Variants in RASA2 observed in about 807,000 individuals in gnomAD.
The protein encoded by RASA2 is RAS p21 protein activator 2.
In RASA2, 155 loss-of-function variants were observed where a neutral mutation model predicts 118.2. The observed-to-expected ratio is 1.31, with a 90% CI of 1.15 to 1.50. RASA2 has a LOEUF of 1.50. RASA2 is among the 40% of genes most tolerant of loss of function. The probability of loss-of-function intolerance (pLI) is 0.00; values close to 1 mark genes in which losing one functional copy is unlikely to be tolerated. For missense variants in RASA2, 1,016 were observed against 1,009.6 expected (o/e 1.01, Z -0.09); for synonymous variants, 353 against 349.1 (o/e 1.01, Z -0.12).
At chr3:141,598,444 A>C (rs1357738881) in intron 19 of RASA2, among the ~76,000 whole-genome samples, 2 of 152,226 alleles carry the variant, frequency 1.3e-5, no homozygotes, top group African/African-American at 4.8e-5. Flanking sequence ...ATGAAGTCTA[A>C]AAGATAATCT....
chr3:141,533,840 A>C (rs1411055766), intron 4 of RASA2, among the ~76,000 whole-genome samples: 1 of 151,704 alleles, frequency 6.6e-6, no homozygotes, highest in Non-Finnish European at 1.5e-5. Flanking sequence ...CTGCTTTCAG[A>C]CTCTGCAGTG....
rs796833839 is a variant in RASA2, at chr3:141,549,472, A to AGT, written c.528-4375_528-4374dup. ...AAAAATAGTGGTAGGAGTGTGTATG[A>AGT]GTGTGTGTGTGCGTGTGTGTGTGTG... On this transcript the variant is annotated intron_variant, in intron 5 of 23. Coordinates refer to ENST00000286364, the MANE Select transcript of RASA2 (RefSeq NM_006506.5). 9.4e-4 allele frequency among the ~76,000 whole-genome samples: 127 copies of AGT among 134,846 alleles called. 3 individuals carry two copies. Among genetic ancestry groups the AGT allele is most frequent in the African/African-American group, 3.4e-3 (118 of 34,808 alleles). The allele number at this position is 134,846 out of a possible 152,430, so 88.5% of individuals were successfully genotyped here. A position where few individuals can be genotyped will look rare whatever the true frequency, so the allele number is the denominator to read the frequency against.
chr3:141,611,658 C>T (rs2083653423), intron 23 of RASA2, among the ~76,000 whole-genome samples: 2 of 152,028 alleles, frequency 1.3e-5, no homozygotes. Context: ...GAATCCTGGC[C>T]CTACCACTTT....
At chr3:141,600,525 G>A in intron 19 of RASA2, 2 of 300,128 alleles carry the variant, frequency 6.7e-6, no homozygotes, top group Admixed American at 8.5e-5. Context: ...TGTCATCGTA[G>A]TGCTCTGCCT....
intron 19 of RASA2, among the ~76,000 whole-genome samples, chr3:141,600,983 C>T (rs556621036): frequency 6.6e-6 from 1 of 152,294 alleles, no homozygotes; most frequent in South Asian, 2.1e-4. Flanking sequence ...AAGAAACACA[C>T]ACATAAATAT....
chr3:141,491,392 G>A (rs1000645891), intron 1 of RASA2, among the ~76,000 whole-genome samples: 1 of 152,064 alleles, frequency 6.6e-6, no homozygotes, highest in African/African-American at 2.4e-5. Flanking sequence ...CCTTATTATA[G>A]CACATTTCAT....
At chr3:141,560,110 A>G (rs1047181589) in intron 9 of RASA2, 115 bp downstream of exon 9, 1 of 741,926 alleles carries the variant, frequency 1.3e-6, no homozygotes. Flanking sequence ...AATAAGCTAA[A>G]CGTCATTAAT....
intron 5 of RASA2, among the ~76,000 whole-genome samples, chr3:141,550,883 C>G (rs2082564436): frequency 6.6e-6 from 1 of 152,188 alleles, no homozygotes; most frequent in South Asian, 2.1e-4. Context: ...ATTCTCATGT[C>G]TATCCAACTC....
rs763619299 is a variant in RASA2 at position 141,572,728 on chromosome 3, A to G, written c.1284+5A>G. On this transcript the variant is annotated splice_donor_5th_base_variant and intron_variant, in intron 12 of 23. Coordinates refer to ENST00000286364, the MANE Select transcript of RASA2 (RefSeq NM_006506.5). The stretch of plus-strand genomic sequence containing the variant: ...TTAAAACCTATTCTTGATGAGGTAC[A>G]GAATATATCTCCAACAATGATAGTT... The G allele has an allele frequency of 1.0e-5, 16 of 1,555,382 alleles. 1 individual carries two copies. The South Asian group carries it at 1.8e-4, about 18-fold the overall frequency.
At chr3:141,605,566 A>G (rs1386653905) in intron 19 of RASA2, among the ~76,000 whole-genome samples, 1 of 152,202 alleles carries the variant, frequency 6.6e-6, no homozygotes, top group Non-Finnish European at 1.5e-5. Context: ...TGTGTATTCA[A>G]CAAATCTAAA....
At chr3:141,543,661 A>G (rs958685541) in intron 5 of RASA2, among the ~76,000 whole-genome samples, 39 of 152,058 alleles carry the variant, frequency 2.6e-4, no homozygotes, top group Admixed American at 1.8e-3. Context: ...GTAAAAGATA[A>G]TTATACTAGA....
intron 5 of RASA2, among the ~76,000 whole-genome samples, chr3:141,548,629 A>G (rs2082523592): frequency 6.6e-6 from 1 of 152,156 alleles, no homozygotes; most frequent in African/African-American, 2.4e-5. Flanking sequence ...ATGGTTTCAC[A>G]TATGGCTTTC....
chr3:141,521,810 G>T (rs1293232948), intron 3 of RASA2, among the ~76,000 whole-genome samples: 1 of 151,420 alleles, frequency 6.6e-6, no homozygotes, highest in Non-Finnish European at 1.5e-5. Context: ...TACCCTTTAA[G>T]GTTGGAAGTG....
intron 19 of RASA2, among the ~76,000 whole-genome samples, chr3:141,599,838 A>G (rs2083436949): frequency 6.6e-6 from 1 of 152,206 alleles, no homozygotes; most frequent in Admixed American, 6.5e-5. Context: ...GCTTATTGAA[A>G]GGAAACCCTC....
At chr3:141,555,598 A>G (rs2082637344) in intron 6 of RASA2, among the ~76,000 whole-genome samples, 1 of 151,328 alleles carries the variant, frequency 6.6e-6, no homozygotes, top group South Asian at 2.1e-4. Context: ...AAGGTTGGCA[A>G]TCTAGTGTGT....
chr3:141,491,171 T>C (rs2081635969), intron 1 of RASA2, among the ~76,000 whole-genome samples: 1 of 152,234 alleles, frequency 6.6e-6, no homozygotes, highest in South Asian at 2.1e-4. Flanking sequence ...ATGGGAATGA[T>C]GCTTTTCCAC....
At chr3:141,508,894 A>G (rs1367390199) in intron 1 of RASA2, among the ~76,000 whole-genome samples, 1 of 152,126 alleles carries the variant, frequency 6.6e-6, no homozygotes, top group Non-Finnish European at 1.5e-5. Context: ...CTGAACAAAT[A>G]TCACACACAA....
At chr3:141,538,630 A>C (rs1355096769) in intron 4 of RASA2, among the ~76,000 whole-genome samples, 1 of 152,174 alleles carries the variant, frequency 6.6e-6, no homozygotes, top group Admixed American at 6.5e-5. Context: ...TAATTTCCTT[A>C]ATTTAACTCA....
rs530071470 is a variant in RASA2, at chr3:141,495,819, C to T, written c.133+8603C>T. On this transcript the variant is annotated intron_variant, in intron 1 of 23. Transcript: ENST00000286364. Reference sequence around the variant, plus strand: ...AATTGGAGACGACTTAAATGTACATCGGTAGGAAAATGGATAATATGTTCA... The same window carrying T: ...AATTGGAGACGACTTAAATGTACATTGGTAGGAAAATGGATAATATGTTCA... 9.9e-5 allele frequency among the ~76,000 whole-genome samples: 15 copies of T among 152,110 alleles called. No individual in the cohort carries two copies. In the East Asian group the frequency reaches 2.1e-3, roughly 22 times the overall value.
Sources: allele counts gnomAD v4.1 joint callset (sites outside exome capture counted in the v4.1 genomes callset), GRCh38; gene constraint gnomAD v4.1.1; transcripts MANE v1.5; gene names NCBI Gene and HGNC (gene_info 2026-07-23, HGNC 2026-07-21).